The following DYNC2H1 variants were observed in gnomAD, a reference collection of about 807,000 sequenced individuals.
DYNC2H1 encodes dynein cytoplasmic 2 heavy chain 1.
In DYNC2H1, 410 loss-of-function variants were observed where a neutral mutation model predicts 570.0. The ratio of observed to expected loss-of-function variants is 0.72; its 90% CI spans 0.66 to 0.78. DYNC2H1 has a LOEUF of 0.78. Among genes scored for constraint, DYNC2H1 ranks in the 30% least tolerant of loss-of-function variants. The pLI, the probability that DYNC2H1 is intolerant of heterozygous loss-of-function variation, is 0.00. For missense variants in DYNC2H1, 4,865 were observed against 5,046.4 expected (o/e 0.96, Z 1.09); for synonymous variants, 1,688 against 1,677.6 (o/e 1.01, Z -0.15).
At chr11:103,161,203 G>A (rs969752989) in intron 29 of DYNC2H1, among the ~76,000 whole-genome samples, 159 bp downstream of exon 29, 3 of 151,928 alleles carry the variant, frequency 2.0e-5, no homozygotes, top group Non-Finnish European at 2.9e-5. Flanking sequence ...TGTTAGTTTC[G>A]GAGTATTTTG....
intron 54 of DYNC2H1, among the ~76,000 whole-genome samples, chr11:103,214,696 G>A (rs1863309265): frequency 1.3e-5 from 2 of 151,796 alleles, no homozygotes; most frequent in South Asian, 4.2e-4. Context: ...ACCCATCTCA[G>A]CCTCCCAAAG....
chr11:103,342,491 C>G (rs1591605205), intron 82 of DYNC2H1, among the ~76,000 whole-genome samples: 2 of 150,648 alleles, frequency 1.3e-5, no homozygotes, highest in African/African-American at 4.9e-5. Context: ...GCAGCTCACT[C>G]TTTGAGTCTG....
chr11:103,464,625 T>C (rs1945134112), intron 87 of DYNC2H1, among the ~76,000 whole-genome samples: 1 of 152,170 alleles, frequency 6.6e-6, no homozygotes, highest in South Asian at 2.1e-4. Flanking sequence ...AGCGGACTTC[T>C]CATTCACAAC....
chr11:103,243,694 G>A lies in DYNC2H1; in HGVS notation c.9821G>A (p.Ser3274Asn). 5.6e-6 allele frequency: 9 copies of A among 1,595,682 alleles called. No individual in the cohort carries two copies. Among genetic ancestry groups the A allele is most frequent in the Non-Finnish European group, 7.7e-6 (9 of 1,169,382 alleles). ...SIENALVILQ[S>N]RVCPFLIDPS... ...TACTTTTCCTTTTTTTTATACTAGAGTCGAGTGTGCCCATTTCTTATAGAT... is the reference window on the plus strand; with the variant it reads ...TACTTTTCCTTTTTTTTATACTAGAATCGAGTGTGCCCATTTCTTATAGAT... The change falls in exon 64 of 89, where the codon AGT becomes AAT. Residue 3274 changes from serine (S) to asparagine (N), a missense_variant and splice_region_variant. Ser to Asn is a conservative substitution (Grantham distance 46). This residue lies in a region of DYNC2H1 where 2,401 missense variants were observed against 2,454.6 expected (regional missense o/e 0.98). Coordinates refer to ENST00000375735, the MANE Select transcript of DYNC2H1 (RefSeq NM_001377.3). This position sits in a 1 kb window ranked among gnomAD's most constrained non-coding sequence, Gnocchi z 4.8.
intron 28 of DYNC2H1, 122 bp downstream of exon 28, chr11:103,159,149 C>T: frequency 1.5e-6 from 1 of 681,710 alleles, no homozygotes; most frequent in Non-Finnish European, 2.4e-6. Flanking sequence ...AATACAGTTC[C>T]TGTACCCAAA....
chr11:103,145,667 T>A lies in DYNC2H1; in HGVS notation c.2703-2105T>A, dbSNP rs1382296108. ...CTAAGTGAATACATACATATGCACA[T>A]ACAAACATACACATTTATTTCATCG... On this transcript the variant is annotated intron_variant, in intron 18 of 88. Coordinates refer to ENST00000375735, the MANE Select transcript of DYNC2H1 (RefSeq NM_001377.3). The surrounding 1 kb of genome is among the most constrained non-coding windows in gnomAD (Gnocchi z 4.2). Among the ~76,000 whole-genome samples the A allele has an allele frequency of 3.9e-5, 6 of 152,226 alleles. No individual in the cohort carries two copies. The highest frequency in any genetic ancestry group is 8.8e-5 in the Non-Finnish European group (6 of 68,042).
intron 85 of DYNC2H1, among the ~76,000 whole-genome samples, chr11:103,449,059 C>T (rs1306469185): frequency 6.6e-6 from 1 of 151,714 alleles, no homozygotes; most frequent in African/African-American, 2.4e-5. Flanking sequence ...TGAACAGAGA[C>T]CTAAAGGAGG....
chr11:103,456,355 A>G lies in DYNC2H1; in HGVS notation c.12647A>G (p.Lys4216Arg). The G allele has an allele frequency of 6.3e-7, 1 of 1,591,874 alleles. No individual in the cohort carries two copies. The highest frequency in any genetic ancestry group is 8.6e-7 in the Non-Finnish European group (1 of 1,168,034). The change falls in exon 87 of 89, where the codon AAG becomes AGG. Residue 4216 changes from lysine (K) to arginine (R), a missense_variant and splice_region_variant. Coordinates refer to ENST00000375735, the MANE Select transcript of DYNC2H1 (RefSeq NM_001377.3). The stretch of plus-strand genomic sequence containing the variant: ...CTGCAAGAAGCAAAGCTACAAATTA[A>G]GGTACTAGACTAATTTTAGATCTTG... ...GRLQEAKLQIKISGLLLEGCS... is the reference protein window; with the variant it reads ...GRLQEAKLQIRISGLLLEGCS...
At chr11:103,403,224 G>A (rs555673323) in intron 84 of DYNC2H1, 50 of 152,130 alleles carry the variant, frequency 3.3e-4, no homozygotes, top group African/African-American at 1.2e-3. Context: ...ACCTAGAAAT[G>A]TTGGGGTAAT....
intron 84 of DYNC2H1, among the ~76,000 whole-genome samples, chr11:103,434,318 CCTTT>C (rs1943989936): frequency 6.6e-6 from 1 of 152,016 alleles, no homozygotes; most frequent in Non-Finnish European, 1.5e-5. Context: ...TCAAGATAAG[CCTTT>C]CTTTCTATCT....
At chr11:103,453,388 C>T (rs1326522911) in intron 85 of DYNC2H1, among the ~76,000 whole-genome samples, 1 of 151,872 alleles carries the variant, frequency 6.6e-6, no homozygotes, top group Admixed American at 6.6e-5. Context: ...ATCGTTTCTG[C>T]ACTGTGACGT....
chr11:103,417,227 A>C (rs546896103), intron 84 of DYNC2H1, among the ~76,000 whole-genome samples: 3 of 152,086 alleles, frequency 2.0e-5, no homozygotes, highest in Non-Finnish European at 2.9e-5. Context: ...CTACAGGCGC[A>C]TGCCACCACA....
intron 55 of DYNC2H1, among the ~76,000 whole-genome samples, chr11:103,218,204 C>T (rs1185486489): frequency 1.3e-5 from 2 of 152,144 alleles, no homozygotes; most frequent in African/African-American, 4.8e-5. Flanking sequence ...AGCCAGCAGT[C>T]CCACTTTCAG....
In DYNC2H1 at chr11:103,163,283, C is replaced by A; in HGVS notation, c.4611+136C>A. ...AGTTAACGGACAAATTGCTTAACTT[C>A]TGAGTCTCAGTTCCTTCAGCTGTAA... On this transcript the variant is annotated intron_variant, in intron 30 of 88. Coordinates refer to ENST00000375735, the MANE Select transcript of DYNC2H1 (RefSeq NM_001377.3). The surrounding 1 kb of genome is among the most constrained non-coding windows in gnomAD (Gnocchi z 4.6). 9.0e-7 allele frequency: 1 copy of A among 1,108,742 alleles called. No homozygotes were observed. The highest frequency in any genetic ancestry group is 1.2e-6 in the Non-Finnish European group (1 of 821,222). 68.7% of individuals were successfully genotyped at this position (1,108,742 alleles called of 1,614,324 possible).
intron 83 of DYNC2H1, among the ~76,000 whole-genome samples, chr11:103,381,467 T>A (rs1276878014): frequency 1.3e-5 from 2 of 152,226 alleles, no homozygotes; most frequent in African/African-American, 4.8e-5. Flanking sequence ...TTTATGTATT[T>A]GAGATGGAGT....
At chr11:103,140,093 T>A (rs1457399323) in intron 17 of DYNC2H1, among the ~76,000 whole-genome samples, 3 of 152,238 alleles carry the variant, frequency 2.0e-5, no homozygotes, top group Non-Finnish European at 2.9e-5. Context: ...TCCTTTTATT[T>A]TGAGCCTATG....
chr11:103,276,124 T>G (rs1382341059), intron 70 of DYNC2H1, among the ~76,000 whole-genome samples: 1 of 152,184 alleles, frequency 6.6e-6, no homozygotes, highest in Non-Finnish European at 1.5e-5. Flanking sequence ...TGTGGAACTT[T>G]TTTTTACATG....
rs181216251 is a variant in DYNC2H1 at position 103,395,979 on chromosome 11, C to T, written c.12157-3684C>T. The stretch of plus-strand genomic sequence containing the variant: ...ATCCACTCCAACTTTGTTTTTACTT[C>T]TAATTTCCTTTTTTGCTTTTTAAAG... On this transcript the variant is annotated intron_variant, in intron 83 of 88. Transcript: ENST00000375735. The surrounding 1 kb of genome is among the most constrained non-coding windows in gnomAD (Gnocchi z 4.3). Among the ~76,000 whole-genome samples the T allele has an allele frequency of 6.6e-6, 1 of 152,238 alleles. No individual in the cohort carries two copies. Among genetic ancestry groups the T allele is most frequent in the Admixed American group, 6.5e-5 (1 of 15,292 alleles).
chr11:103,430,116 A>G (rs1407134021), intron 84 of DYNC2H1, among the ~76,000 whole-genome samples: 4 of 152,200 alleles, frequency 2.6e-5, no homozygotes, highest in Non-Finnish European at 5.9e-5. Context: ...TGTTAGTAGT[A>G]CAAGTAATTC....
Sources: gnomAD v4.1 joint callset for allele counts (sites outside exome capture counted in the v4.1 genomes callset) on GRCh38, gnomAD v4.1.1 for gene constraint, gnomAD v4.1.1 regional missense constraint, Gnocchi (gnomAD v3.1) non-coding constraint, MANE v1.5 for transcripts, NCBI Gene and HGNC (gene_info 2026-07-23, HGNC 2026-07-21) for gene names.